TASOR: variants seen among roughly 807,000 people sequenced by gnomAD.
TASOR encodes the protein transcription activation suppressor.
A neutral mutation model predicts 178.6 loss-of-function variants in TASOR; 53 were observed. The ratio of observed to expected loss-of-function variants is 0.30; its 90% CI spans 0.24 to 0.37. The LOEUF (loss-of-function observed/expected upper bound fraction) is 0.37. Ranked by LOEUF, TASOR falls within the 10% of genes least tolerant of loss-of-function variation. The pLI, the probability that TASOR is intolerant of heterozygous loss-of-function variation, is 1.00. For missense variants in TASOR, 1,815 were observed against 1,971.4 expected, an observed-to-expected ratio of 0.92 and a Z score of 1.50; for synonymous variants, 713 against 696.2, an observed-to-expected ratio of 1.02 and a Z score of -0.38.
Position 56,633,598 on chromosome 3 carries a change from T to C in TASOR, c.3193A>G (p.Ile1065Val). ...QEKMKRLSEFIYSKTSKAGVQ... is the reference protein window; with the variant it reads ...QEKMKRLSEFVYSKTSKAGVQ... The stretch of plus-strand genomic sequence containing the variant: ...CCAGCTTTGGAAGTCTTAGAATATA[T>C]GAACTCGGAAAGCCGTTTCATCTTC... The change falls in exon 18 of 24, where the codon ATA becomes GTA. Residue 1065 changes from isoleucine (I) to valine (V), a missense_variant. Ile to Val is a conservative substitution (Grantham distance 29). Coordinates refer to ENST00000683822, the MANE Select transcript of TASOR (RefSeq NM_001365635.2). 4 of 1,614,132 alleles carry C rather than the reference T, an allele frequency of 2.5e-6. No homozygotes were observed.
chr3:56,659,291 T>C (rs1040436710), intron 11 of TASOR, among the ~76,000 whole-genome samples: 10 of 152,284 alleles, frequency 6.6e-5, no homozygotes, highest in East Asian at 1.9e-4. Flanking sequence ...GGCGCACCTA[T>C]GCAAAAAAGT....
intron 7 of TASOR, chr3:56,664,040 G>T: frequency 5.6e-6 from 1 of 177,110 alleles, no homozygotes; most frequent in Non-Finnish European, 1.1e-5. Context: ...AGAAAACAAT[G>T]ATATATAACA....
intron 8 of TASOR, 71 bp from the exon 9 acceptor site, chr3:56,662,561 G>A: frequency 1.2e-5 from 7 of 594,296 alleles, no homozygotes; most frequent in South Asian, 7.6e-5. Flanking sequence ...ACATTTATTA[G>A]AAATGAGACG....
At chr3:56,623,875 A>T in intron 23 of TASOR, 1 of 1,518,570 alleles carries the variant, frequency 6.6e-7, no homozygotes, top group Non-Finnish European at 8.9e-7. Context: ...GTATTTGACA[A>T]GACAAATATA....
At chr3:56,682,647 AG>A in intron 1 of TASOR, 28 bp downstream of exon 1, 1 of 1,428,544 alleles carries the variant, frequency 7.0e-7, no homozygotes, top group Non-Finnish European at 9.3e-7. Context: ...GGAGAGAGAG[AG>A]GGGGTTGAGA....
rs569995451 is a variant in TASOR, at chr3:56,641,771, T to C, written c.2216-19A>G. ...GGAGACTCTGAGAAAAAGGAAGTCA[T>C]TGGTTGAAGTTAAGTTTAAAAGCAA... On this transcript the variant is annotated intron_variant, in intron 14 of 23. Coordinates refer to ENST00000683822, the MANE Select transcript of TASOR (RefSeq NM_001365635.2). 77 of 1,572,098 alleles carry C rather than the reference T, an allele frequency of 4.9e-5. 1 individual carries two copies. In the East Asian group the frequency reaches 1.7e-3, roughly 34 times the overall value.
chr3:56,630,208 G>A lies in TASOR; in HGVS notation c.3748-1594C>T, dbSNP rs1253704043. On this transcript the variant is annotated intron_variant, in intron 18 of 23. Coordinates refer to ENST00000683822, the MANE Select transcript of TASOR (RefSeq NM_001365635.2). ...TCCCAATCTCCTGACCTCGTGATCT[G>A]CCCGCCTCAGCCTCCCTGCTGGTAA... Among the ~76,000 whole-genome samples the A allele has an allele frequency of 4.6e-5, 7 of 152,096 alleles. No homozygotes were observed. The South Asian group carries it at 6.2e-4, about 14-fold the overall frequency.
chr3:56,663,814 T>C lies in TASOR; in HGVS notation c.1023-242A>G, dbSNP rs936340147. On this transcript the variant is annotated intron_variant, in intron 7 of 23. Transcript: ENST00000683822. ...ACCCAAATTTAAGGGAGTTGTTTTTTCCAAAAATATTAACCAAGAGAGAAC... is the reference window on the plus strand; with the variant it reads ...ACCCAAATTTAAGGGAGTTGTTTTTCCCAAAAATATTAACCAAGAGAGAAC... 16 of 1,007,560 alleles carry C rather than the reference T, an allele frequency of 1.6e-5. No individual in the cohort carries two copies. The East Asian group carries it at 8.3e-4, about 52-fold the overall frequency. 62.4% of individuals were successfully genotyped at this position (1,007,560 alleles called of 1,614,324 possible).
chr3:56,648,878 T>G lies in TASOR; in HGVS notation c.1457A>C (p.Lys486Thr), dbSNP rs572730841. 2 of 1,612,184 alleles carry G rather than the reference T, an allele frequency of 1.2e-6. No homozygotes were observed. The highest frequency in any genetic ancestry group is 2.2e-5 in the South Asian group (2 of 90,268). The change falls in exon 13 of 24, where the codon AAG becomes ACG. Residue 486 changes from lysine to threonine, a missense_variant. This residue lies in a region of TASOR where 504 missense variants were observed against 645.3 expected (regional missense o/e 0.78). Transcript: ENST00000683822. ...MVPPYEYQTA[K>T]SRVLHALFLF... ...AAACAAAGCATGTAGGACTCGAGAC[T>G]TGGCAGTCTGATATTCTAAAAAACA...
rs540200577 is a variant in TASOR at position 56,671,382 on chromosome 3, A to G, written c.570+218T>C. On this transcript the variant is annotated intron_variant, in intron 3 of 23. Transcript: ENST00000683822. ...AAACAGAAAAGTATTATTATCAAGCACATTCTAGGGGAAGAAAATAGGACT... is the reference window on the plus strand; with the variant it reads ...AAACAGAAAAGTATTATTATCAAGCGCATTCTAGGGGAAGAAAATAGGACT... The G allele has an allele frequency of 2.7e-5, 12 of 439,486 alleles. No individual in the cohort carries two copies. The South Asian group carries it at 5.7e-4, about 21-fold the overall frequency. 27.2% of individuals were successfully genotyped at this position (439,486 alleles called of 1,614,324 possible). A position where few individuals can be genotyped will look rare whatever the true frequency, so the allele number is the denominator to read the frequency against.
intron 11 of TASOR, among the ~76,000 whole-genome samples, chr3:56,654,630 G>A (rs1240022423): frequency 6.6e-6 from 1 of 152,092 alleles, no homozygotes; most frequent in African/African-American, 2.4e-5. Context: ...ACTGAGTAAA[G>A]CAAGCCAACC....
chr3:56,626,390 T>C (rs573684570), intron 21 of TASOR, among the ~76,000 whole-genome samples: 5 of 152,302 alleles, frequency 3.3e-5, no homozygotes, highest in Non-Finnish European at 7.3e-5. Context: ...ATTAGCTACC[T>C]ATAAAGTAGT....
At chr3:56,669,947 C>T in intron 4 of TASOR, 126 bp downstream of exon 4, 1 of 864,754 alleles carries the variant, frequency 1.2e-6, no homozygotes, top group South Asian at 1.9e-5. Flanking sequence ...GAACCTATGA[C>T]TAGTCTTTTT....
intron 17 of TASOR, among the ~76,000 whole-genome samples, chr3:56,634,401 C>T (rs2076975848): frequency 6.6e-6 from 1 of 152,162 alleles, no homozygotes; most frequent in Non-Finnish European, 1.5e-5. Flanking sequence ...GAGTGTAAGG[C>T]AATTGTAAGA....
intron 16 of TASOR, 144 bp from the exon 17 acceptor site, chr3:56,638,909 A>G (rs1393140145): frequency 2.6e-5 from 19 of 743,926 alleles, no homozygotes; most frequent in Non-Finnish European, 4.1e-5. Flanking sequence ...TGATGATGGA[A>G]TATCAACACT....
chr3:56,669,347 C>CA (rs1216200530), intron 5 of TASOR, among the ~76,000 whole-genome samples: 1 of 151,850 alleles, frequency 6.6e-6, no homozygotes, highest in East Asian at 1.9e-4. Context: ...ACTAAAAATA[C>CA]AAAAAATTAG....
chr3:56,628,929 ATTTT>A (rs58944810), intron 18 of TASOR: 2,466 of 122,276 alleles, frequency 0.02, 52 homozygotes, highest in African/African-American at 0.074. Context: ...TACCAGGCTA[ATTTT>A]TTTTTTTTTT....
chr3:56,646,759 C>T lies in TASOR; in HGVS notation c.1978G>A (p.Gly660Ser). 1 of 1,613,912 alleles carries T rather than the reference C, an allele frequency of 6.2e-7. No homozygotes were observed. The highest frequency in any genetic ancestry group is 1.3e-5 in the African/African-American group (1 of 75,048). ...MKFGKRNNSR[G>S]EAIISGKQRS... ...TGCTTTCCAGATATAATGGCTTCAC[C>T]TCTTGAGTTATTTCGTTTTCCAAAT... The change falls in exon 14 of 24, where the codon GGT becomes AGT. Residue 660 changes from glycine (G) to serine (S), a missense_variant. By Grantham distance (56) the Gly-to-Ser change is moderately conservative (BLOSUM62 0). This residue lies in a region of TASOR where 504 missense variants were observed against 645.3 expected (regional missense o/e 0.78). Coordinates refer to ENST00000683822, the MANE Select transcript of TASOR (RefSeq NM_001365635.2).
At position 56,683,054 on chromosome 3, in the gene TASOR, G is replaced by C. The variant is rs1235619069; in HGVS notation, c.-48C>G. Reference sequence around the variant, plus strand: ...GGAAGCTTCTGCCCACAAGGTCGACGGGTGTGGGGGGAAGGGGCGGCGGGC... The same window carrying C: ...GGAAGCTTCTGCCCACAAGGTCGACCGGTGTGGGGGGAAGGGGCGGCGGGC... On this transcript the variant is annotated 5_prime_UTR_variant, in exon 1 of 24. Transcript: ENST00000683822. 2 of 1,448,072 alleles carry C rather than the reference G, an allele frequency of 1.4e-6. No homozygotes were observed. The highest frequency in any genetic ancestry group is 2.7e-5 in the Admixed American group (1 of 37,202). The allele number at this position is 1,448,072 out of a possible 1,614,324, so 89.7% of individuals were successfully genotyped here.
Sources: allele counts gnomAD v4.1 joint callset (sites outside exome capture counted in the v4.1 genomes callset), GRCh38; gene constraint gnomAD v4.1.1; regional missense constraint gnomAD v4.1.1; transcripts MANE v1.5; gene names NCBI Gene and HGNC (gene_info 2026-07-23, HGNC 2026-07-21).